Variants in CENPW observed in about 807,000 individuals in gnomAD.
CENPW encodes cancer-up-regulated gene 2 protein.
CENPW carries 3 observed loss-of-function variants against 11.1 expected under a neutral mutation model. That is an observed-to-expected ratio of 0.27 (90% confidence interval 0.12 to 0.70). The LOEUF is 0.70. CENPW is among the 30% of genes least tolerant of loss of function. The pLI, the probability that CENPW is intolerant of heterozygous loss-of-function variation, is 0.77. For missense variants in CENPW, 100 were observed against 105.6 expected (o/e 0.95, Z 0.23); for synonymous variants, 38 against 42.0 (o/e 0.91, Z 0.37).
the CENPW span, among the ~76,000 whole-genome samples, chr6:126,477,694 T>A: frequency 6.6e-6 from 1 of 152,112 alleles, no homozygotes; most frequent in Non-Finnish European, 1.5e-5. Flanking sequence ...AAAATAACTG[T>A]GTGATAGTAA....
Position 126,340,857 on chromosome 6 carries a change from C to T in CENPW, c.126+458C>T, listed in dbSNP as rs532758733. 2.0e-5 allele frequency among the ~76,000 whole-genome samples: 3 copies of T among 152,278 alleles called. No individual in the cohort carries two copies. In the South Asian group the frequency reaches 6.2e-4, roughly 32 times the overall value. ...TAAGGGCCTCCCTTCTTGCCTCCCTCCCTGTCTCCTCTTTCCTCCCTTGGC... is the reference window on the plus strand; with the variant it reads ...TAAGGGCCTCCCTTCTTGCCTCCCTTCCTGTCTCCTCTTTCCTCCCTTGGC... On this transcript the variant is annotated intron_variant, in intron 1 of 2. Coordinates refer to ENST00000368328, the MANE Select transcript of CENPW (RefSeq NM_001012507.4).
the CENPW span, among the ~76,000 whole-genome samples, chr6:126,378,307 C>T: frequency 9.9e-5 from 15 of 151,886 alleles, no homozygotes; most frequent in Non-Finnish European, 2.2e-4. Context: ...CTGAAGAGCA[C>T]AAGATAATCG....
At chr6:126,414,711 C>T in the CENPW span, among the ~76,000 whole-genome samples, 11 of 151,436 alleles carry the variant, frequency 7.3e-5, no homozygotes, top group Non-Finnish European at 1.0e-4. Context: ...TGATGCATCT[C>T]AAGGAATTGG....
At chr6:126,346,446 A>G in intron 2 of CENPW, 128 bp downstream of exon 2, 1 of 495,892 alleles carries the variant, frequency 2.0e-6, no homozygotes, top group East Asian at 3.0e-5. Context: ...CCTTTTATGA[A>G]TTAATGATTT....
the CENPW span, among the ~76,000 whole-genome samples, chr6:126,453,744 T>C: frequency 6.6e-6 from 1 of 151,128 alleles, no homozygotes; most frequent in South Asian, 2.1e-4. Flanking sequence ...ATGGCTTAAT[T>C]AAAGGGCACA....
chr6:126,461,358 T>A, the CENPW span, among the ~76,000 whole-genome samples: 552 of 151,974 alleles, frequency 3.6e-3, 3 homozygotes, highest in Non-Finnish European at 4.2e-3. Context: ...CTCAGGGATG[T>A]CCTTATTAGC....
chr6:126,377,103 G>C, the CENPW span, among the ~76,000 whole-genome samples: 1 of 152,162 alleles, frequency 6.6e-6, no homozygotes, highest in Non-Finnish European at 1.5e-5. Context: ...ATGTTGTGTG[G>C]AGAGTAGAGA....
At chr6:126,468,815 T>A in the CENPW span, among the ~76,000 whole-genome samples, 3 of 152,186 alleles carry the variant, frequency 2.0e-5, no homozygotes, top group African/African-American at 7.2e-5. Flanking sequence ...AGCATATCTT[T>A]TTTATTTCTT....
At chr6:126,379,310 A>C in the CENPW span, among the ~76,000 whole-genome samples, 1 of 152,146 alleles carries the variant, frequency 6.6e-6, no homozygotes, top group Non-Finnish European at 1.5e-5. Flanking sequence ...TTTAAGATTA[A>C]ATTTTAAATT....
chr6:126,443,411 G>A, the CENPW span, among the ~76,000 whole-genome samples: 1 of 151,122 alleles, frequency 6.6e-6, no homozygotes, highest in Non-Finnish European at 1.5e-5. Flanking sequence ...AAACTAGCGG[G>A]ATTTGGAAAC....
the CENPW span, among the ~76,000 whole-genome samples, chr6:126,464,525 G>T: frequency 1.5e-4 from 23 of 152,242 alleles, no homozygotes; most frequent in African/African-American, 4.3e-4. Context: ...GGCAAGAGAA[G>T]ATGGAAGAAT....
the CENPW span, among the ~76,000 whole-genome samples, chr6:126,388,367 A>G: frequency 6.6e-6 from 1 of 151,956 alleles, no homozygotes; most frequent in Admixed American, 6.6e-5. Flanking sequence ...CGATTTACAG[A>G]TAGCACCGGC....
chr6:126,458,772 G>C, the CENPW span, among the ~76,000 whole-genome samples: 1 of 151,344 alleles, frequency 6.6e-6, no homozygotes, highest in African/African-American at 2.4e-5. Flanking sequence ...ACAACTACAT[G>C]TAGTAATGTA....
At chr6:126,402,465 G>A in the CENPW span, among the ~76,000 whole-genome samples, 1 of 151,776 alleles carries the variant, frequency 6.6e-6, no homozygotes, top group East Asian at 1.9e-4. Flanking sequence ...CTTAATCACA[G>A]CAAAATAAAC....
chr6:126,368,682 T>C, the CENPW span, among the ~76,000 whole-genome samples: 1 of 151,876 alleles, frequency 6.6e-6, no homozygotes, highest in Non-Finnish European at 1.5e-5. Flanking sequence ...TCTCACTCTG[T>C]TGCCCAGGCT....
chr6:126,438,133 G>A, the CENPW span, among the ~76,000 whole-genome samples: 1 of 151,162 alleles, frequency 6.6e-6, no homozygotes, highest in African/African-American at 2.4e-5. Context: ...CCAGTAAAAT[G>A]TAGTCTCTCT....
chr6:126,418,248 A>G, the CENPW span, among the ~76,000 whole-genome samples: 4 of 152,344 alleles, frequency 2.6e-5, no homozygotes, highest in East Asian at 7.7e-4. Context: ...TCTTAGGATA[A>G]AATCAAGATA....
At chr6:126,348,119 A>C (rs1055612243) in intron 2 of CENPW, among the ~76,000 whole-genome samples, 1 of 151,990 alleles carries the variant, frequency 6.6e-6, no homozygotes, top group African/African-American at 2.4e-5. Context: ...TTTAACTCCT[A>C]ATTTAGATAA....
the CENPW span, among the ~76,000 whole-genome samples, chr6:126,474,241 T>C: frequency 1.9e-4 from 29 of 152,070 alleles, no homozygotes; most frequent in Non-Finnish European, 7.4e-5. Context: ...CCATTTCCAT[T>C]ACTTTTATTC....
Sources: gnomAD v4.1 joint callset for allele counts (sites outside exome capture counted in the v4.1 genomes callset) on GRCh38, gnomAD v4.1.1 for gene constraint, MANE v1.5 for transcripts, NCBI Gene and HGNC (gene_info 2026-07-23, HGNC 2026-07-21) for gene names.